Variants in ARHGEF28 observed in about 807,000 individuals in gnomAD.
ARHGEF28 encodes Rho guanine nucleotide exchange factor 28, also known as 190 kDa guanine nucleotide exchange factor.
In ARHGEF28, 152 loss-of-function variants were observed where a neutral mutation model predicts 206.6. The observed-to-expected ratio is 0.74, with a 90% confidence interval of 0.64 to 0.84. The LOEUF is 0.84. ARHGEF28 is among the 40% of genes least tolerant of loss of function. The pLI is 0.00. For synonymous variants in ARHGEF28, 763 were observed against 776.4 expected, an observed-to-expected ratio of 0.98 and a Z score of 0.29; for missense variants, 2,028 against 2,073.2, an observed-to-expected ratio of 0.98 and a Z score of 0.42.
In ARHGEF28 at chr5:73,865,958, T is replaced by A; in HGVS notation, c.2104-7T>A. 1 of 1,580,566 alleles carries A rather than the reference T, an allele frequency of 6.3e-7. No individual in the cohort carries two copies. Among genetic ancestry groups the A allele is most frequent in the East Asian group, 2.2e-5 (1 of 44,600 alleles). ...TTACTTTATGTGTTTCTAATATTCT[T>A]TACCAGAAATTCCAAGAGAAATATA... On this transcript the variant is annotated splice_region_variant and splice_polypyrimidine_tract_variant and intron_variant, in intron 17 of 35. Coordinates refer to ENST00000513042, the MANE Select transcript of ARHGEF28 (RefSeq NM_001177693.2).
chr5:73,885,883 C>G lies in ARHGEF28; in HGVS notation c.3089C>G (p.Ala1030Gly), dbSNP rs369597044. 1.3e-4 allele frequency: 206 copies of G among 1,613,204 alleles called. 2 individuals carry two copies. The highest frequency in any genetic ancestry group is 5.0e-4 in the Middle Eastern group (3 of 6,008). ...RTEEHKDLRKALCLIKDMIAT... is the reference protein window; with the variant it reads ...RTEEHKDLRKGLCLIKDMIAT... ...GAGGAACATAAAGACTTACGCAAAG[C>G]GCTTTGCTTAATTAAAGACATGATT... The change falls in exon 25 of 36, where the codon GCG becomes GGG. Residue 1030 changes from alanine to glycine, a missense_variant. Ala to Gly is a moderately conservative substitution (Grantham distance 60). Coordinates refer to ENST00000513042, the MANE Select transcript of ARHGEF28 (RefSeq NM_001177693.2).
In ARHGEF28 at chr5:73,787,018, G is replaced by A. The variant is rs553468973; in HGVS notation, c.910+6273G>A. ...GATTTTCCTTATTTGAATATCTCCT[G>A]TGAGATATTACTGGGAAAACAATAG... On this transcript the variant is annotated intron_variant, in intron 7 of 35. Transcript: ENST00000513042. Among the ~76,000 whole-genome samples the A allele has an allele frequency of 1.2e-4, 18 of 152,292 alleles. No homozygotes were observed. In the South Asian group the frequency reaches 3.3e-3, roughly 28 times the overall value.
chr5:73,632,612 TA>T lies in ARHGEF28; in HGVS notation c.-12+6297del, dbSNP rs111269772. On this transcript the variant is annotated intron_variant, in intron 1 of 35. Transcript: ENST00000513042. The stretch of plus-strand genomic sequence containing the variant: ...CTCTTATATGGTAGCCTCTAACATT[TA>T]AAAAAATTAATTATATATCCTACCT... Among the ~76,000 whole-genome samples the T allele has an allele frequency of 9.5e-3, 1,454 of 152,336 alleles. 24 individuals are homozygous for T. The highest frequency in any genetic ancestry group is 0.034 in the African/African-American group (1,412 of 41,582).
intron 35 of ARHGEF28, among the ~76,000 whole-genome samples, chr5:73,934,706 G>T (rs1328008385): frequency 6.6e-6 from 1 of 152,152 alleles, no homozygotes; most frequent in Middle Eastern, 3.2e-3. Flanking sequence ...CCCTGAGTTT[G>T]GGGGATGCTG....
intron 2 of ARHGEF28, among the ~76,000 whole-genome samples, chr5:73,729,819 C>T (rs565397685): frequency 1.9e-4 from 29 of 152,202 alleles, no homozygotes; most frequent in African/African-American, 2.4e-4. Context: ...GTCTTTTTGG[C>T]GCCTTTAAAT....
At chr5:73,914,764 C>T (rs995389113) in intron 35 of ARHGEF28, among the ~76,000 whole-genome samples, 28 of 152,126 alleles carry the variant, frequency 1.8e-4, no homozygotes, top group Admixed American at 1.2e-3. Context: ...CTCACTCTGT[C>T]GCCCAGGTTG....
chr5:73,833,200 G>A (rs188763582), intron 10 of ARHGEF28, among the ~76,000 whole-genome samples: 1 of 152,276 alleles, frequency 6.6e-6, no homozygotes, highest in Non-Finnish European at 1.5e-5. Flanking sequence ...GGGTAGTTTT[G>A]ATGACACAAA....
intron 4 of ARHGEF28, among the ~76,000 whole-genome samples, chr5:73,766,835 G>C (rs1242535774): frequency 1.3e-5 from 2 of 152,296 alleles, no homozygotes; most frequent in African/African-American, 2.4e-5. Flanking sequence ...TAGCAAATCT[G>C]TTCCATAGCA....
intron 16 of ARHGEF28, among the ~76,000 whole-genome samples, chr5:73,864,114 C>A (rs1433643789): frequency 2.0e-5 from 3 of 152,124 alleles, no homozygotes; most frequent in Non-Finnish European, 4.4e-5. Flanking sequence ...GGGGAAAGGA[C>A]CCAAAGACAA....
chr5:73,819,296 T>C (rs1375118664), intron 9 of ARHGEF28, among the ~76,000 whole-genome samples: 1 of 152,136 alleles, frequency 6.6e-6, no homozygotes, highest in Non-Finnish European at 1.5e-5. Context: ...TAGGAGGTGG[T>C]CCCTCCATTA....
chr5:73,634,151 A>G (rs1743549443), intron 1 of ARHGEF28, among the ~76,000 whole-genome samples: 1 of 152,166 alleles, frequency 6.6e-6, no homozygotes, highest in Non-Finnish European at 1.5e-5. Context: ...ATAAACATTT[A>G]TTCAATGCCT....
chr5:73,744,678 A>C (rs775242009), intron 2 of ARHGEF28, among the ~76,000 whole-genome samples: 51 of 152,092 alleles, frequency 3.4e-4, no homozygotes, highest in Non-Finnish European at 6.9e-4. Flanking sequence ...AATATTTAAC[A>C]GTCAACTTAT....
Position 73,757,615 on chromosome 5 carries a change from C to T in ARHGEF28, c.475+4413C>T, listed in dbSNP as rs114708625. Among the ~76,000 whole-genome samples the T allele has an allele frequency of 9.8e-3, 1,498 of 152,240 alleles. 24 individuals are homozygous for T. Among genetic ancestry groups the T allele is most frequent in the African/African-American group, 0.035 (1,433 of 41,530 alleles). ...ATGGATCTTGTAACAAAAAGCAGAG[C>T]CTTCTTTCAGCCCTGTATCTTACCC... On this transcript the variant is annotated intron_variant, in intron 4 of 35. Coordinates refer to ENST00000513042, the MANE Select transcript of ARHGEF28 (RefSeq NM_001177693.2).
chr5:73,861,245 G>A (rs1759382940), intron 16 of ARHGEF28, among the ~76,000 whole-genome samples: 1 of 152,172 alleles, frequency 6.6e-6, no homozygotes, highest in African/African-American at 2.4e-5. Flanking sequence ...TTGTAGTAAA[G>A]AATATGTTGG....
chr5:73,725,391 C>T (rs919889049), intron 2 of ARHGEF28, among the ~76,000 whole-genome samples: 2 of 152,162 alleles, frequency 1.3e-5, no homozygotes, highest in African/African-American at 2.4e-5. Flanking sequence ...TGTATAGATA[C>T]GCCCTTTAGG....
chr5:73,692,211 A>G (rs1747873919), intron 2 of ARHGEF28, among the ~76,000 whole-genome samples: 1 of 152,176 alleles, frequency 6.6e-6, no homozygotes, highest in South Asian at 2.1e-4. Flanking sequence ...ATGAGCATCT[A>G]TTAGTCAGAA....
chr5:73,748,348 T>C (rs1241877424), intron 2 of ARHGEF28, among the ~76,000 whole-genome samples: 7 of 152,130 alleles, frequency 4.6e-5, no homozygotes, highest in African/African-American at 1.4e-4. Flanking sequence ...ACCAGTGATT[T>C]TTTTTCAGAA....
chr5:73,651,742 G>A (rs1049404951), intron 1 of ARHGEF28, among the ~76,000 whole-genome samples: 5 of 152,060 alleles, frequency 3.3e-5, no homozygotes, highest in African/African-American at 1.2e-4. Context: ...ATCTGTTTCT[G>A]TATTATTCTC....
At chr5:73,785,662 C>T (rs1006442452) in intron 7 of ARHGEF28, among the ~76,000 whole-genome samples, 1 of 152,112 alleles carries the variant, frequency 6.6e-6, no homozygotes, top group African/African-American at 2.4e-5. Flanking sequence ...CTGTATGAAT[C>T]CGCTTAAAAA....
Sources: allele counts gnomAD v4.1 joint callset (sites outside exome capture counted in the v4.1 genomes callset), GRCh38; gene constraint gnomAD v4.1.1; transcripts MANE v1.5; gene names NCBI Gene and HGNC (gene_info 2026-07-23, HGNC 2026-07-21).